GSG1L: variants seen among roughly 807,000 people sequenced by gnomAD.
The protein encoded by GSG1L is germ cell-specific gene 1-like protein.
Under a neutral mutation model 42.1 loss-of-function variants are expected in GSG1L, and 24 were observed. That is an observed-to-expected ratio of 0.57 (90% CI 0.41 to 0.80). The LOEUF (loss-of-function observed/expected upper bound fraction) is 0.80. Ranked by LOEUF, GSG1L falls within the 30% of genes least tolerant of loss-of-function variation. The probability of loss-of-function intolerance (pLI) is 0.00; values close to 1 mark genes in which losing one functional copy is unlikely to be tolerated. For synonymous variants in GSG1L, 215 were observed against 203.5 expected, an observed-to-expected ratio of 1.06 and a Z score of -0.48; for missense variants, 445 against 472.2, an observed-to-expected ratio of 0.94 and a Z score of 0.53.
intron 1 of GSG1L, among the ~76,000 whole-genome samples, chr16:27,981,135 C>T (rs955059017): frequency 6.6e-6 from 1 of 152,134 alleles, no homozygotes. Flanking sequence ...AGAGACCCCA[C>T]ACGTGGCAGG....
At chr16:28,021,451 G>A (rs575209565) in intron 1 of GSG1L, among the ~76,000 whole-genome samples, 5 of 152,256 alleles carry the variant, frequency 3.3e-5, no homozygotes, top group East Asian at 1.9e-4. Flanking sequence ...CATTTGGTTC[G>A]TGTTCACCTG....
At chr16:27,882,731 C>T (rs758029860) in intron 3 of GSG1L, among the ~76,000 whole-genome samples, 11 of 152,166 alleles carry the variant, frequency 7.2e-5, no homozygotes, top group Admixed American at 2.0e-4. Flanking sequence ...GGGTGCCCCT[C>T]CTGCAGAGCT....
intron 2 of GSG1L, among the ~76,000 whole-genome samples, chr16:27,897,144 A>G (rs2084201544): frequency 6.6e-6 from 1 of 152,220 alleles, no homozygotes; most frequent in African/African-American, 2.4e-5. Context: ...GATAACAGGC[A>G]TGGGCCACCA....
chr16:27,903,040 C>A (rs907046189), intron 2 of GSG1L, among the ~76,000 whole-genome samples: 3 of 151,996 alleles, frequency 2.0e-5, no homozygotes, highest in African/African-American at 7.3e-5. Flanking sequence ...CTGCAGGGAT[C>A]CAGAAGGGAC....
chr16:27,981,183 GA>G (rs1276220203), intron 1 of GSG1L, among the ~76,000 whole-genome samples: 1 of 152,174 alleles, frequency 6.6e-6, no homozygotes, highest in African/African-American at 2.4e-5. Flanking sequence ...CAGCGAAGTG[GA>G]CTCAAATCTG....
intron 1 of GSG1L, among the ~76,000 whole-genome samples, chr16:28,006,345 G>C (rs2085638853): frequency 6.6e-6 from 1 of 151,832 alleles, no homozygotes; most frequent in South Asian, 2.1e-4. Context: ...GTCTCGCTCT[G>C]TCACCCAGGC....
intron 4 of GSG1L, among the ~76,000 whole-genome samples, chr16:27,836,205 T>A (rs1019854245): frequency 6.6e-6 from 1 of 152,188 alleles, no homozygotes; most frequent in Non-Finnish European, 1.5e-5. Context: ...CCATGGTTTC[T>A]GATGCAAAAT....
intron 3 of GSG1L, among the ~76,000 whole-genome samples, chr16:27,876,185 G>A (rs1446079258): frequency 1.3e-5 from 2 of 152,174 alleles, no homozygotes; most frequent in Non-Finnish European, 2.9e-5. Context: ...AGTCTGCCAG[G>A]CCAGGGAAAC....
intron 2 of GSG1L, among the ~76,000 whole-genome samples, chr16:27,902,517 C>G (rs1208077597): frequency 1.3e-5 from 2 of 151,188 alleles, no homozygotes; most frequent in Non-Finnish European, 2.9e-5. Flanking sequence ...CCGCGGGTGC[C>G]GATGATGAGA....
chr16:27,967,455 C>G (rs924649964), intron 1 of GSG1L, among the ~76,000 whole-genome samples: 3 of 152,180 alleles, frequency 2.0e-5, no homozygotes, highest in East Asian at 3.9e-4. Flanking sequence ...CCCCTGCCCC[C>G]GCCTTGTGCT....
Position 27,935,173 on chromosome 16 carries a change from A to C in GSG1L, c.397+27983T>G, listed in dbSNP as rs1035860965. ...AGCCCATTATGGGGAGCAGCGTCAA[A>C]AACAGTGAGCAGGGGAGCCCCTAAT... is the stretch of plus-strand genomic sequence containing the variant. On this transcript the variant is annotated intron_variant, in intron 2 of 6. Transcript: ENST00000447459. Among the ~76,000 whole-genome samples, 45 of 152,150 alleles carry C rather than the reference A, an allele frequency of 3.0e-4. 1 individual carries two copies. Among genetic ancestry groups the C allele is most frequent in the African/African-American group, 9.4e-4 (39 of 41,426 alleles).
At chr16:27,926,657 C>A (rs1356381044) in intron 2 of GSG1L, among the ~76,000 whole-genome samples, 5 of 152,172 alleles carry the variant, frequency 3.3e-5, no homozygotes, top group Non-Finnish European at 5.9e-5. Context: ...TCACTCCACT[C>A]CAGCCTGGGC....
chr16:27,936,550 C>G (rs1303016001), intron 2 of GSG1L, among the ~76,000 whole-genome samples: 3 of 152,168 alleles, frequency 2.0e-5, no homozygotes, highest in Non-Finnish European at 4.4e-5. Flanking sequence ...AGGCCCTCAC[C>G]AGAAGCAGAT....
At chr16:27,914,371 G>T (rs2084426363) in intron 2 of GSG1L, among the ~76,000 whole-genome samples, 1 of 151,990 alleles carries the variant, frequency 6.6e-6, no homozygotes, top group Admixed American at 6.6e-5. Context: ...TATTGTGGAT[G>T]GAATATTATT....
At chr16:27,946,584 AGAGAGAGAGAGAG>A (rs2084865458) in intron 2 of GSG1L, among the ~76,000 whole-genome samples, 26 of 22,760 alleles carry the variant, frequency 1.1e-3, no homozygotes, top group South Asian at 3.2e-3. Flanking sequence ...AAAGAAAGAG[AGAGAGAGAGAGAG>A]AGAGAGAGAG....
intron 6 of GSG1L, among the ~76,000 whole-genome samples, chr16:27,804,381 T>G (rs2082932228): frequency 6.6e-6 from 1 of 152,068 alleles, no homozygotes; most frequent in South Asian, 2.1e-4. Context: ...TCCTCACCCT[T>G]TAGGTCCCAG....
intron 1 of GSG1L, among the ~76,000 whole-genome samples, chr16:28,001,260 T>A (rs539414575): frequency 5.2e-4 from 79 of 152,316 alleles, no homozygotes; most frequent in African/African-American, 1.8e-3. Flanking sequence ...CCATCATTTT[T>A]CCAGGAAAGG....
At chr16:28,057,444 C>T (rs967976267) in intron 1 of GSG1L, among the ~76,000 whole-genome samples, 3 of 152,096 alleles carry the variant, frequency 2.0e-5, no homozygotes, top group Admixed American at 6.5e-5. Flanking sequence ...GGGGGGGCAC[C>T]GTGGATTCCC....
chr16:27,932,866 C>A (rs2084672366), intron 2 of GSG1L, among the ~76,000 whole-genome samples: 1 of 151,956 alleles, frequency 6.6e-6, no homozygotes, highest in East Asian at 1.9e-4. Context: ...GGTGCTGGCC[C>A]CAGTGTGACA....
Sources: gnomAD v4.1 joint callset for allele counts (sites outside exome capture counted in the v4.1 genomes callset) on GRCh38, gnomAD v4.1.1 for gene constraint, MANE v1.5 for transcripts, NCBI Gene and HGNC (gene_info 2026-07-23, HGNC 2026-07-21) for gene names.